The following RARB variants were observed in gnomAD, a reference collection of about 807,000 sequenced individuals.
The protein encoded by RARB is HBV-activated protein.
Under a neutral mutation model 51.9 loss-of-function variants are expected in RARB, and 17 were observed. That is an observed-to-expected ratio of 0.33 (90% CI 0.22 to 0.49). The LOEUF (loss-of-function observed/expected upper bound fraction) is 0.49, where lower values mean the gene tolerates loss of function less well. Ranked by LOEUF, RARB falls within the 20% of genes least tolerant of loss-of-function variation. The pLI, the probability that RARB is intolerant of heterozygous loss-of-function variation, is 0.99. For missense variants in RARB, 369 were observed against 550.8 expected (o/e 0.67, Z 3.30); for synonymous variants, 215 against 195.4 (o/e 1.10, Z -0.84).
intron 3 of RARB, among the ~76,000 whole-genome samples, chr3:25,108,983 A>T (rs1484328034): frequency 6.6e-6 from 1 of 152,156 alleles, no homozygotes; most frequent in Non-Finnish European, 1.5e-5. Flanking sequence ...CTTGGGAGTC[A>T]TTCAGACCAG....
chr3:25,555,567 A>G (rs1238421406), intron 3 of RARB: 1 of 152,164 alleles, frequency 6.6e-6, no homozygotes, highest in African/African-American at 2.4e-5. Context: ...AGTTTTAGTC[A>G]TGTGTGTATC....
At chr3:25,226,007 C>A (rs1490921963) in intron 5 of RARB, among the ~76,000 whole-genome samples, 1 of 152,224 alleles carries the variant, frequency 6.6e-6, no homozygotes, top group East Asian at 1.9e-4. Flanking sequence ...AAATCTCTTG[C>A]AGTTTGAATA....
At chr3:25,242,682 C>A (rs1177825241) in intron 5 of RARB, among the ~76,000 whole-genome samples, 1 of 152,076 alleles carries the variant, frequency 6.6e-6, no homozygotes, top group Middle Eastern at 3.2e-3. Flanking sequence ...TGTTTTGGTA[C>A]CAGTACCATG....
chr3:25,595,298 T>TTGTC (rs138047331), intron 7 of RARB, among the ~76,000 whole-genome samples: 5,999 of 152,270 alleles, frequency 0.039, 342 homozygotes, highest in African/African-American at 0.13. Context: ...AAATGGGCTA[T>TTGTC]TGTCATTCTC....
chr3:25,143,460 T>C (rs538280345), intron 4 of RARB, among the ~76,000 whole-genome samples: 2 of 152,270 alleles, frequency 1.3e-5, no homozygotes, highest in Admixed American at 6.5e-5. Flanking sequence ...GCCCACCCGA[T>C]CCAAAAGATG....
intron 1 of RARB, among the ~76,000 whole-genome samples, chr3:25,454,111 C>T (rs1694763013): frequency 6.6e-6 from 1 of 152,210 alleles, no homozygotes; most frequent in African/African-American, 2.4e-5. Context: ...TCTTCCCGTG[C>T]CCCAAATGTT....
chr3:25,488,627 G>T (rs1210157465), intron 2 of RARB, among the ~76,000 whole-genome samples: 1 of 152,260 alleles, frequency 6.6e-6, no homozygotes, highest in African/African-American at 2.4e-5. Flanking sequence ...CCGTTAACAA[G>T]CCCATCCTGG....
intron 2 of RARB, among the ~76,000 whole-genome samples, chr3:25,034,898 A>T (rs1697952215): frequency 6.6e-6 from 1 of 152,250 alleles, no homozygotes; most frequent in Admixed American, 6.5e-5. Flanking sequence ...GCTGGAGCTC[A>T]GTGGCAGCTG....
intron 4 of RARB, among the ~76,000 whole-genome samples, chr3:25,136,795 C>T (rs1482743257): frequency 6.6e-6 from 1 of 151,918 alleles, no homozygotes; most frequent in Non-Finnish European, 1.5e-5. Context: ...CTTAGAAGAA[C>T]CATCCTTGGC....
chr3:25,142,588 A>AT (rs34526859), intron 4 of RARB, among the ~76,000 whole-genome samples: 7,665 of 146,166 alleles, frequency 0.052, 241 homozygotes, highest in Middle Eastern at 0.099. Context: ...CACTGCCTGT[A>AT]TTTTTTTTTT....
chr3:24,919,759 T>C (rs1695181238), intron 2 of RARB, among the ~76,000 whole-genome samples: 1 of 152,240 alleles, frequency 6.6e-6, no homozygotes, highest in Admixed American at 6.5e-5. Flanking sequence ...TCTAATTTTA[T>C]TTTTCTTCAT....
chr3:25,077,504 C>T (rs1029242209), intron 3 of RARB, among the ~76,000 whole-genome samples: 4 of 152,018 alleles, frequency 2.6e-5, no homozygotes, highest in East Asian at 1.9e-4. Flanking sequence ...TCATCCATGT[C>T]GTTGTATGTT....
intron 5 of RARB, among the ~76,000 whole-genome samples, chr3:25,317,128 A>G (rs1246909772): frequency 1.3e-5 from 1 of 76,996 alleles, no homozygotes; most frequent in Non-Finnish European, 3.0e-5. Flanking sequence ...GCAATAATGT[A>G]ATCATAGAAA....
At chr3:25,321,538 C>T (rs191787945) in intron 5 of RARB, among the ~76,000 whole-genome samples, 170 of 151,864 alleles carry the variant, frequency 1.1e-3, no homozygotes, top group African/African-American at 3.9e-3. Flanking sequence ...GATGACATGG[C>T]GAAACCCCTT....
rs193095782 is a variant in RARB, at chr3:25,466,853, A to G, written c.306+5512A>G. On this transcript the variant is annotated intron_variant, in intron 2 of 7. Transcript: ENST00000330688. ...AATGGGAATGGCTATGTTTCAATAA[A>G]ACTTTGTTTACAAAAGCAGTGGACC... Among the ~76,000 whole-genome samples, 311 of 152,330 alleles carry G rather than the reference A, an allele frequency of 2.0e-3. 2 individuals carry two copies. Among genetic ancestry groups the G allele is most frequent in the African/African-American group, 7.0e-3 (289 of 41,572 alleles).
intron 2 of RARB, among the ~76,000 whole-genome samples, chr3:24,867,705 C>A (rs1264299849): frequency 1.3e-5 from 2 of 152,072 alleles, no homozygotes; most frequent in Non-Finnish European, 1.5e-5. Context: ...AAGGAGACCT[C>A]AGGGTCGTTT....
intron 2 of RARB, among the ~76,000 whole-genome samples, chr3:24,995,725 G>A (rs940953751): frequency 5.9e-5 from 9 of 152,066 alleles, no homozygotes; most frequent in Admixed American, 2.6e-4. Flanking sequence ...TGAGATGATC[G>A]TATGGTTTTT....
chr3:24,833,949 C>T (rs1702312048), intron 1 of RARB, among the ~76,000 whole-genome samples: 1 of 152,176 alleles, frequency 6.6e-6, no homozygotes, highest in Non-Finnish European at 1.5e-5. Context: ...TCACCTTTCA[C>T]CTATTATTTT....
At chr3:24,880,559 A>G (rs1214886595) in intron 2 of RARB, among the ~76,000 whole-genome samples, 1 of 152,178 alleles carries the variant, frequency 6.6e-6, no homozygotes, top group Non-Finnish European at 1.5e-5. Flanking sequence ...TTAGAAAAGT[A>G]GACCCATGGT....
Sources: gnomAD v4.1 joint callset for allele counts (sites outside exome capture counted in the v4.1 genomes callset) on GRCh38, gnomAD v4.1.1 for gene constraint, MANE v1.5 for transcripts, NCBI Gene and HGNC (gene_info 2026-07-23, HGNC 2026-07-21) for gene names.